ZNF354C: variants seen among roughly 807,000 people sequenced by gnomAD.
ZNF354C encodes zinc finger protein 354C, also known as KRAB-zinc finger protein synten.
ZNF354C carries 7 observed loss-of-function variants against 12.4 expected under a neutral mutation model. That is an observed-to-expected ratio of 0.56 (90% CI 0.32 to 1.06). The LOEUF is 1.06. Ranked by LOEUF, ZNF354C falls within the 50% of genes least tolerant of loss-of-function variation. The pLI is 0.04. For synonymous variants in ZNF354C, 202 were observed against 224.5 expected (o/e 0.90, Z 0.90); for missense variants, 609 against 658.0 (o/e 0.93, Z 0.81).
At chr5:179,062,851 C>G (rs1761912831) in intron 2 of ZNF354C, among the ~76,000 whole-genome samples, 1 of 152,204 alleles carries the variant, frequency 6.6e-6, no homozygotes, top group Non-Finnish European at 1.5e-5. Context: ...TTTAGCCTCT[C>G]TACCTGGGCT....
In ZNF354C at chr5:179,061,962, T is replaced by G. The variant is rs1460177717; in HGVS notation, c.-54-53T>G. 6 of 1,280,874 alleles carry G rather than the reference T, an allele frequency of 4.7e-6. No homozygotes were observed. In the East Asian group the frequency reaches 1.4e-4, roughly 30 times the overall value. The allele number at this position is 1,280,874 out of a possible 1,614,324, so 79.3% of individuals were successfully genotyped here. ...TTATGGGCGGTTGTAACTTCCTCTC[T>G]CCAAGCCATCTCCTGACGCCAGGGT... On this transcript the variant is annotated intron_variant, in intron 1 of 4. Transcript: ENST00000315475.
At chr5:179,071,611 C>T (rs1416983119) in intron 2 of ZNF354C, among the ~76,000 whole-genome samples, 1 of 152,134 alleles carries the variant, frequency 6.6e-6, no homozygotes, top group African/African-American at 2.4e-5. Flanking sequence ...TTTTTTACAG[C>T]TTTTTGCCTG....
At chr5:179,063,898 G>T (rs1761925660) in intron 2 of ZNF354C, among the ~76,000 whole-genome samples, 1 of 152,254 alleles carries the variant, frequency 6.6e-6, no homozygotes, top group African/African-American at 2.4e-5. Context: ...AGTAACAGCA[G>T]CAGCAGCACT....
intron 2 of ZNF354C, among the ~76,000 whole-genome samples, chr5:179,067,550 A>C (rs6601008): frequency 0.053 from 7,997 of 152,290 alleles, 440 homozygotes; most frequent in African/African-American, 0.14. Flanking sequence ...GGGAAAGTAT[A>C]ATCTTCCACA....
At chr5:179,076,300 A>G in intron 2 of ZNF354C, 145 bp from the exon 3 acceptor site, 2 of 1,180,772 alleles carry the variant, frequency 1.7e-6, no homozygotes, top group Non-Finnish European at 2.4e-6. Flanking sequence ...TAAATAGCTA[A>G]TGGGTGGTTC....
chr5:179,067,977 T>C (rs532135313), intron 2 of ZNF354C, among the ~76,000 whole-genome samples: 1 of 152,218 alleles, frequency 6.6e-6, no homozygotes, highest in South Asian at 2.1e-4. Flanking sequence ...CTGGGCAACA[T>C]AGCAAGACCC....
In ZNF354C at chr5:179,080,018, A is replaced by C. The variant is rs1762202058; in HGVS notation, c.1586A>C (p.Tyr529Ser). ...GAGAAACTCTATAAGTGGAAGGAATATGGGAAACCTTTCATCTGCAGCTCC... is the reference window on the plus strand; with the variant it reads ...GAGAAACTCTATAAGTGGAAGGAATCTGGGAAACCTTTCATCTGCAGCTCC... The part of the protein sequence containing the change: ...TKEKLYKWKE[Y>S]GKPFICSSSL... The change falls in exon 5 of 5, where the codon TAT becomes TCT. Residue 529 changes from tyrosine (Y) to serine (S), a missense_variant. Tyr to Ser is a moderately radical substitution (Grantham distance 144). Coordinates refer to ENST00000315475, the MANE Select transcript of ZNF354C (RefSeq NM_014594.3). The C allele has an allele frequency of 1.2e-6, 2 of 1,612,678 alleles. No homozygotes were observed. The highest frequency in any genetic ancestry group is 1.7e-6 in the Non-Finnish European group (2 of 1,179,634).
Position 179,069,490 on chromosome 5 carries a change from G to C in ZNF354C, c.28-6955G>C, listed in dbSNP as rs562974793. Reference sequence around the variant, plus strand: ...AGGCAGGAGAATCACTTGAACCTGGGAGGCAGAGGTTGCAGTGAGCCCAGA... The same window carrying C: ...AGGCAGGAGAATCACTTGAACCTGGCAGGCAGAGGTTGCAGTGAGCCCAGA... On this transcript the variant is annotated intron_variant, in intron 2 of 4. Coordinates refer to ENST00000315475, the MANE Select transcript of ZNF354C (RefSeq NM_014594.3). Among the ~76,000 whole-genome samples, 4 of 151,226 alleles carry C rather than the reference G, an allele frequency of 2.6e-5. No individual in the cohort carries two copies. In the South Asian group the frequency reaches 8.4e-4, roughly 32 times the overall value.
intron 2 of ZNF354C, among the ~76,000 whole-genome samples, chr5:179,075,054 A>C (rs891322966): frequency 2.6e-5 from 4 of 151,484 alleles, no homozygotes; most frequent in Non-Finnish European, 2.9e-5. Context: ...AGGTCAAGAG[A>C]TCAGACCATC....
chr5:179,082,604 T>G lies in ZNF354C; in HGVS notation c.*2507T>G. ...TTCGGGAGGGATGAAGAGGGAGATATTCAGAAACCTTCACCAGATTCCTCC... is the reference window on the plus strand; with the variant it reads ...TTCGGGAGGGATGAAGAGGGAGATAGTCAGAAACCTTCACCAGATTCCTCC... On this transcript the variant is annotated 3_prime_UTR_variant, in exon 5 of 5. Coordinates refer to ENST00000315475, the MANE Select transcript of ZNF354C (RefSeq NM_014594.3). 8.5e-7 allele frequency: 1 copy of G among 1,182,520 alleles called. No individual in the cohort carries two copies. Among genetic ancestry groups the G allele is most frequent in the Non-Finnish European group, 1.3e-6 (1 of 789,992 alleles). The allele number at this position is 1,182,520 out of a possible 1,614,324, so 73.3% of individuals were successfully genotyped here.
chr5:179,077,523 C>G (rs1762140118), intron 4 of ZNF354C, among the ~76,000 whole-genome samples: 1 of 152,112 alleles, frequency 6.6e-6, no homozygotes, highest in Non-Finnish European at 1.5e-5. Context: ...TTTCATTATT[C>G]TCAAGAGATT....
intron 2 of ZNF354C, among the ~76,000 whole-genome samples, chr5:179,070,131 C>T (rs1762028951): frequency 1.3e-5 from 2 of 152,160 alleles, no homozygotes; most frequent in Non-Finnish European, 2.9e-5. Context: ...CCTGTCAGAT[C>T]GGCAGCGGCA....
rs772941946 is a variant in ZNF354C, at chr5:179,081,574, C to T, written c.*1477C>T. Reference sequence around the variant, plus strand: ...CAGTCAGTATAGTATATTTCTTAACCGACTGGTTTTAGCTTATCAGAAAGT... The same window carrying T: ...CAGTCAGTATAGTATATTTCTTAACTGACTGGTTTTAGCTTATCAGAAAGT... On this transcript the variant is annotated 3_prime_UTR_variant, in exon 5 of 5. Coordinates refer to ENST00000315475, the MANE Select transcript of ZNF354C (RefSeq NM_014594.3). The T allele has an allele frequency of 1.3e-4, 20 of 151,836 alleles. No homozygotes were observed. Among genetic ancestry groups the T allele is most frequent in the South Asian group, 6.2e-4 (3 of 4,802 alleles). The allele number at this position is 151,836 out of a possible 1,614,324, so 9.4% of individuals were successfully genotyped here.
chr5:179,070,574 A>G (rs138575308), intron 2 of ZNF354C, among the ~76,000 whole-genome samples: 220 of 152,216 alleles, frequency 1.4e-3, no homozygotes, highest in African/African-American at 5.1e-3. Context: ...TTCTGTGACT[A>G]TCAGTTTCCC....
rs1240092178 is a variant in ZNF354C at position 179,083,545 on chromosome 5, A to ATATT, written c.*3449_*3452dup. 6.6e-6 allele frequency: 1 copy of ATATT among 152,100 alleles called. No homozygotes were observed. The highest frequency in any genetic ancestry group is 1.9e-4 in the East Asian group (1 of 5,182). 9.4% of individuals were successfully genotyped at this position (152,100 alleles called of 1,614,324 possible). ...AAGTGATTGGATAAAGAAGTGATGAATATTAATCTTTCAATCAGAATTCTC... is the reference window on the plus strand; with the variant it reads ...AAGTGATTGGATAAAGAAGTGATGAATATTTATTAATCTTTCAATCAGAATTCTC... On this transcript the variant is annotated 3_prime_UTR_variant, in exon 5 of 5. Transcript: ENST00000315475.
chr5:179,070,911 C>T (rs1314663477), intron 2 of ZNF354C, among the ~76,000 whole-genome samples: 2 of 128,288 alleles, frequency 1.6e-5, no homozygotes, highest in African/African-American at 6.0e-5. Flanking sequence ...TGTAGTGGTG[C>T]GATCTCGGCT....
rs751582585 is a variant in ZNF354C at position 179,077,111 on chromosome 5, G to A, written c.195G>A (p.Gln65=). Residue 65 remains glutamine (Q), a synonymous_variant, in exon 4 of 5, where the codon CAG becomes CAA. Transcript: ENST00000315475. ...FSMPKLIHQL[Q]QGEDPCMVER... ...TGCCAAAGTTGATTCATCAGTTGCA[G>A]CAAGGAGAAGATCCCTGCATGGTGG... 7 of 1,614,088 alleles carry A rather than the reference G, an allele frequency of 4.3e-6. No individual in the cohort carries two copies. The highest frequency in any genetic ancestry group is 3.3e-5 in the Admixed American group (2 of 60,004).
At position 179,082,882 on chromosome 5, in the gene ZNF354C, A is replaced by G; in HGVS notation, c.*2785A>G. ...ACTCGCCAAACATTCCAGGCACTGC[A>G]CTTGCCAGTGCGCTGATGAAGAATC... On this transcript the variant is annotated 3_prime_UTR_variant, in exon 5 of 5. Transcript: ENST00000315475. 9.5e-7 allele frequency: 1 copy of G among 1,055,948 alleles called. No individual in the cohort carries two copies. Among genetic ancestry groups the G allele is most frequent in the Non-Finnish European group, 1.5e-6 (1 of 673,614 alleles). 65.4% of individuals were successfully genotyped at this position (1,055,948 alleles called of 1,614,324 possible). A position where few individuals can be genotyped will look rare whatever the true frequency, so the allele number is the denominator to read the frequency against.
chr5:179,082,533 C>T lies in ZNF354C; in HGVS notation c.*2436C>T. The T allele has an allele frequency of 1.5e-6, 1 of 676,316 alleles. No homozygotes were observed. Among genetic ancestry groups the T allele is most frequent in the Non-Finnish European group, 2.7e-6 (1 of 369,316 alleles). 41.9% of individuals were successfully genotyped at this position (676,316 alleles called of 1,614,324 possible). ...TTTTTTTAAACATAACACGAGGAAG[C>T]TGTTAAAACTGGTGTAATAGCTCAA... On this transcript the variant is annotated 3_prime_UTR_variant, in exon 5 of 5. Coordinates refer to ENST00000315475, the MANE Select transcript of ZNF354C (RefSeq NM_014594.3).
Sources: gnomAD v4.1 joint callset for allele counts (sites outside exome capture counted in the v4.1 genomes callset) on GRCh38, gnomAD v4.1.1 for gene constraint, MANE v1.5 for transcripts, NCBI Gene and HGNC (gene_info 2026-07-23, HGNC 2026-07-21) for gene names.